The following CORO2B variants were observed in gnomAD, a reference collection of about 807,000 sequenced individuals.
CORO2B encodes the protein coronin-2B.
Under a neutral mutation model 58.8 loss-of-function variants are expected in CORO2B, and 26 were observed. The observed-to-expected ratio is 0.44, with a 90% CI of 0.32 to 0.61. The LOEUF (loss-of-function observed/expected upper bound fraction) is 0.61, where lower values mean the gene tolerates loss of function less well. Ranked by LOEUF, CORO2B falls within the 20% of genes least tolerant of loss-of-function variation. The pLI is 0.04. For synonymous variants in CORO2B, 242 were observed against 253.8 expected, an observed-to-expected ratio of 0.95 and a Z score of 0.44; for missense variants, 460 against 645.1, an observed-to-expected ratio of 0.71 and a Z score of 3.11.
intron 2 of CORO2B, among the ~76,000 whole-genome samples, chr15:68,682,148 A>G (rs1362347741): frequency 1.3e-5 from 2 of 152,184 alleles, no homozygotes; most frequent in Admixed American, 6.5e-5. Flanking sequence ...CCACAGAGGG[A>G]GAGTCCTCCA....
At chr15:68,654,160 G>A (rs977455257) in intron 2 of CORO2B, among the ~76,000 whole-genome samples, 1 of 152,076 alleles carries the variant, frequency 6.6e-6, no homozygotes. Flanking sequence ...TTCCTTTTTT[G>A]GAAGAATGGC....
the CORO2B span, among the ~76,000 whole-genome samples, chr15:68,545,311 A>C: frequency 0.011 from 1,637 of 152,216 alleles, 22 homozygotes; most frequent in Non-Finnish European, 0.012. Flanking sequence ...TGCTATGGAA[A>C]GGCGTTTGGT....
rs917670981 is a variant in CORO2B at position 68,722,515 on chromosome 15, A to G, written c.1311+2963A>G. ...TGTACAACTCAGGAACTTTACTAAA[A>G]ATCGCTGAATTGTAAGCTTAAAATG... On this transcript the variant is annotated intron_variant, in intron 11 of 11. Transcript: ENST00000261861. 5.9e-5 allele frequency among the ~76,000 whole-genome samples: 9 copies of G among 152,228 alleles called. No individual in the cohort carries two copies. In the South Asian group the frequency reaches 1.9e-3, roughly 31 times the overall value.
upstream of CORO2B, among the ~76,000 whole-genome samples, chr15:68,577,287 A>T (rs1373877971): frequency 6.6e-6 from 1 of 152,108 alleles, no homozygotes; most frequent in Non-Finnish European, 1.5e-5. Flanking sequence ...ATTTAAGAAG[A>T]CTTTCATTCA....
At chr15:68,715,457 G>T in intron 8 of CORO2B, 146 bp downstream of exon 8, 1 of 622,292 alleles carries the variant, frequency 1.6e-6, no homozygotes, top group Non-Finnish European at 2.8e-6. Context: ...GCAAGAGCTG[G>T]CCCTGCTGCA....
rs140949749 is a variant in CORO2B, at chr15:68,658,425, G to A, written c.216+13065G>A. Among the ~76,000 whole-genome samples, 1,067 of 152,400 alleles carry A rather than the reference G, an allele frequency of 7.0e-3. 24 individuals carry two copies. Among genetic ancestry groups the A allele is most frequent in the African/African-American group, 0.024 (1,007 of 41,596 alleles). ...CTTCGGCCAGTGAGGGGCCAGTGGG[G>A]GTTGTGGTTGGGGCCTAGGCCAGAT... On this transcript the variant is annotated intron_variant, in intron 2 of 11. Transcript: ENST00000261861.
chr15:68,635,819 G>A (rs1901017177), intron 1 of CORO2B, among the ~76,000 whole-genome samples: 1 of 152,168 alleles, frequency 6.6e-6, no homozygotes, highest in South Asian at 2.1e-4. Context: ...ACTCTTGTAG[G>A]CCTTGAGGCA....
the CORO2B span, among the ~76,000 whole-genome samples, chr15:68,550,165 GAA>G: frequency 1.3e-5 from 2 of 152,202 alleles, no homozygotes; most frequent in East Asian, 3.9e-4. Context: ...GCTCTAAGGA[GAA>G]ACCCGCTTGC....
chr15:68,563,733 AG>A, the CORO2B span, among the ~76,000 whole-genome samples: 4 of 152,120 alleles, frequency 2.6e-5, no homozygotes, highest in African/African-American at 9.6e-5. Context: ...GAAAGAAAAA[AG>A]ATTATAAATG....
chr15:68,629,257 T>A (rs1398915566), intron 1 of CORO2B, among the ~76,000 whole-genome samples: 1 of 152,230 alleles, frequency 6.6e-6, no homozygotes, highest in African/African-American at 2.4e-5. Flanking sequence ...TTGGAAAGGC[T>A]CCATTGCAGG....
the CORO2B span, among the ~76,000 whole-genome samples, chr15:68,569,171 G>A: frequency 6.6e-6 from 1 of 152,112 alleles, no homozygotes; most frequent in African/African-American, 2.4e-5. Flanking sequence ...GTTTACATTA[G>A]GGCTCACTGT....
chr15:68,595,198 CAG>C (rs1216659929), intron 1 of CORO2B, among the ~76,000 whole-genome samples: 1 of 152,190 alleles, frequency 6.6e-6, no homozygotes, highest in Non-Finnish European at 1.5e-5. Context: ...GGGGTCAGGC[CAG>C]AGAGAGTACT....
chr15:68,629,255 G>C (rs922107096), intron 1 of CORO2B, among the ~76,000 whole-genome samples: 1 of 152,254 alleles, frequency 6.6e-6, no homozygotes, highest in East Asian at 1.9e-4. Flanking sequence ...AATTGGAAAG[G>C]CTCCATTGCA....
chr15:68,579,869 G>C (rs540654426), intron 1 of CORO2B, among the ~76,000 whole-genome samples: 1 of 152,352 alleles, frequency 6.6e-6, no homozygotes, highest in African/African-American at 2.4e-5. Context: ...ATGTGACAGG[G>C]GAAGCAAAGG....
intron 1 of CORO2B, among the ~76,000 whole-genome samples, chr15:68,644,621 C>A (rs1317069355): frequency 6.6e-6 from 1 of 152,066 alleles, no homozygotes; most frequent in Admixed American, 6.6e-5. Context: ...TGAGGGTGTA[C>A]CTGTGGATTA....
chr15:68,696,222 C>G (rs1459451474), intron 3 of CORO2B, among the ~76,000 whole-genome samples: 3 of 145,140 alleles, frequency 2.1e-5, no homozygotes, highest in Non-Finnish European at 4.5e-5. Context: ...TGCACTCCAG[C>G]TTGGGTGACA....
At chr15:68,587,537 T>G (rs1899598456) in intron 1 of CORO2B, among the ~76,000 whole-genome samples, 1 of 152,154 alleles carries the variant, frequency 6.6e-6, no homozygotes, top group Non-Finnish European at 1.5e-5. Flanking sequence ...TAATTTAGAT[T>G]CGTTTAAGAA....
the CORO2B span, among the ~76,000 whole-genome samples, chr15:68,556,618 C>T: frequency 2.6e-5 from 4 of 152,254 alleles, no homozygotes; most frequent in Admixed American, 1.3e-4. Flanking sequence ...GAAGCCCAGT[C>T]ACAAACTCAG....
intron 8 of CORO2B, among the ~76,000 whole-genome samples, chr15:68,716,676 G>A (rs1463700): frequency 0.81 from 123,954 of 152,112 alleles, 54,380 homozygotes; most frequent in Non-Finnish European, 0.96. Flanking sequence ...TGTGATGATG[G>A]TATTTTAAGT....
Sources: gnomAD v4.1 joint callset for allele counts (sites outside exome capture counted in the v4.1 genomes callset) on GRCh38, gnomAD v4.1.1 for gene constraint, MANE v1.5 for transcripts, NCBI Gene and HGNC (gene_info 2026-07-23, HGNC 2026-07-21) for gene names.